The following UBR3 variants were observed in gnomAD, a reference collection of about 807,000 sequenced individuals.
UBR3 encodes the protein ubiquitin protein ligase E3 component n-recognin 3.
Under a neutral mutation model 243.2 loss-of-function variants are expected in UBR3, and 85 were observed. The ratio of observed to expected loss-of-function variants is 0.35; its 90% CI spans 0.29 to 0.42. UBR3 has a LOEUF of 0.42. UBR3 is among the 10% of genes least tolerant of loss of function. The pLI, the probability that UBR3 is intolerant of heterozygous loss-of-function variation, is 1.00. For missense variants in UBR3, 1,686 were observed against 2,300.8 expected, an observed-to-expected ratio of 0.73 and a Z score of 5.47; for synonymous variants, 748 against 799.8, an observed-to-expected ratio of 0.94 and a Z score of 1.09.
chr2:169,935,400 CTCAAG>C (rs2105352022), intron 19 of UBR3, among the ~76,000 whole-genome samples: 1 of 152,242 alleles, frequency 6.6e-6, no homozygotes, highest in East Asian at 1.9e-4. Context: ...AACTCTTAGT[CTCAAG>C]TGATCTTCCT....
intron 14 of UBR3, among the ~76,000 whole-genome samples, chr2:169,926,129 G>A (rs887979979): frequency 2.6e-5 from 4 of 152,178 alleles, no homozygotes; most frequent in African/African-American, 9.7e-5. Flanking sequence ...GGAAATACTG[G>A]GTTGATGTGT....
At chr2:169,937,726 G>A (rs1353101629) in intron 19 of UBR3, among the ~76,000 whole-genome samples, 1 of 152,188 alleles carries the variant, frequency 6.6e-6, no homozygotes, top group Non-Finnish European at 1.5e-5. Context: ...TTCCCCAGAT[G>A]TCTGACAATG....
intron 24 of UBR3, among the ~76,000 whole-genome samples, chr2:169,977,781 T>C (rs1410601860): frequency 6.6e-6 from 1 of 152,168 alleles, no homozygotes; most frequent in Admixed American, 6.5e-5. Flanking sequence ...GAAACAATGT[T>C]CCACCAGCCA....
At chr2:169,921,203 G>A (rs2085683646) in intron 11 of UBR3, among the ~76,000 whole-genome samples, 1 of 152,152 alleles carries the variant, frequency 6.6e-6, no homozygotes, top group African/African-American at 2.4e-5. Flanking sequence ...AGTTTGGTTT[G>A]GACACGCTGT....
In UBR3 at chr2:169,872,267, T is replaced by G. The variant is rs2083461311; in HGVS notation, c.577T>G (p.Ser193Ala). The change falls in exon 2 of 39, where the codon TCA becomes GCA. Residue 193 changes from serine to alanine, a missense_variant. Ser to Ala is a moderately conservative substitution (Grantham distance 99). Coordinates refer to ENST00000272793, the MANE Select transcript of UBR3 (RefSeq NM_172070.4). ...CAAAAGGCATCAAATTAAATCAAGT[T>G]CAAATATTCCCTGTGTCCCTAAAGA... The part of the protein sequence containing the change: ...FCKRHQIKSS[S>A]NIPCVPKDLL... 5.2e-6 allele frequency: 8 copies of G among 1,531,350 alleles called. No homozygotes were observed. Among genetic ancestry groups the G allele is most frequent in the Non-Finnish European group, 7.0e-6 (8 of 1,139,086 alleles). The allele number at this position is 1,531,350 out of a possible 1,614,324, so 94.9% of individuals were successfully genotyped here.
intron 24 of UBR3, among the ~76,000 whole-genome samples, chr2:169,960,406 T>C (rs1023077880): frequency 4.0e-5 from 6 of 151,586 alleles, no homozygotes; most frequent in African/African-American, 1.5e-4. Flanking sequence ...TCTGAAACAC[T>C]AATGGTCCCA....
chr2:169,848,708 A>G (rs1005122155), intron 1 of UBR3, among the ~76,000 whole-genome samples: 20 of 144,554 alleles, frequency 1.4e-4, no homozygotes, highest in Non-Finnish European at 2.9e-4. Flanking sequence ...AAGTTTTTTA[A>G]TTTTTTTTTT....
chr2:169,986,151 T>C (rs551546716), intron 24 of UBR3, among the ~76,000 whole-genome samples: 1 of 152,326 alleles, frequency 6.6e-6, no homozygotes, highest in African/African-American at 2.4e-5. Context: ...TATTGATAGC[T>C]ACTATTTCTG....
At chr2:169,994,629 G>A (rs2089415540) in intron 26 of UBR3, among the ~76,000 whole-genome samples, 173 bp downstream of exon 26, 1 of 152,140 alleles carries the variant, frequency 6.6e-6, no homozygotes, top group African/African-American at 2.4e-5. Context: ...AAACATTTCA[G>A]GTAATAAATG....
intron 10 of UBR3, among the ~76,000 whole-genome samples, chr2:169,910,699 A>C (rs2085219079): frequency 6.6e-6 from 1 of 152,150 alleles, no homozygotes; most frequent in Admixed American, 6.6e-5. Context: ...TGTTCTAGGC[A>C]CTTTTCATAT....
chr2:169,958,662 G>A (rs960161941), intron 24 of UBR3, 136 bp downstream of exon 24: 1 of 673,118 alleles, frequency 1.5e-6, no homozygotes, highest in African/African-American at 1.8e-5. Flanking sequence ...AAACAATATA[G>A]TGATGGAAGA....
chr2:169,881,891 ATG>A (rs2105317196), intron 5 of UBR3, among the ~76,000 whole-genome samples: 1 of 118,642 alleles, frequency 8.4e-6, no homozygotes, highest in African/African-American at 2.9e-5. Flanking sequence ...ATATGTGTAC[ATG>A]TATACATATA....
At chr2:169,845,011 C>T (rs927111449) in intron 1 of UBR3, among the ~76,000 whole-genome samples, 5 of 152,006 alleles carry the variant, frequency 3.3e-5, no homozygotes, top group African/African-American at 1.2e-4. Context: ...AATAAATTTC[C>T]CTCTAAGCAC....
At chr2:169,934,277 C>G (rs2086243225) in intron 19 of UBR3, among the ~76,000 whole-genome samples, 1 of 152,106 alleles carries the variant, frequency 6.6e-6, no homozygotes, top group Admixed American at 6.6e-5. Context: ...TTAAATGGCT[C>G]TGCCTTTTTT....
intron 24 of UBR3, among the ~76,000 whole-genome samples, chr2:169,963,976 T>A (rs1289099646): frequency 6.6e-6 from 1 of 152,172 alleles, no homozygotes; most frequent in African/African-American, 2.4e-5. Flanking sequence ...CATGCATGCC[T>A]TAGGATTGAG....
Position 169,946,372 on chromosome 2 carries a change from G to A in UBR3, c.2890G>A (p.Glu964Lys). 6.7e-7 allele frequency: 1 copy of A among 1,499,910 alleles called. No homozygotes were observed. The highest frequency in any genetic ancestry group is 8.9e-7 in the Non-Finnish European group (1 of 1,118,632). 92.9% of individuals were successfully genotyped at this position (1,499,910 alleles called of 1,614,324 possible). A position where few individuals can be genotyped will look rare whatever the true frequency, so the allele number is the denominator to read the frequency against. ...LIELGLENSA[E>K]EESDEEASVG... ...TGAATTAGGACTTGAAAATTCTGCT[G>A]AAGAAGAATCAGATGAAGAGGTAAG... is the stretch of plus-strand genomic sequence containing the variant. Residue 964 changes from glutamate to lysine, a missense_variant, in exon 21 of 39, where the codon GAA becomes AAA. This residue lies in a region of UBR3 where 300 missense variants were observed against 314.4 expected (regional missense o/e 0.95). Coordinates refer to ENST00000272793, the MANE Select transcript of UBR3 (RefSeq NM_172070.4).
chr2:169,873,853 T>G (rs1312953471), intron 2 of UBR3, among the ~76,000 whole-genome samples: 1 of 152,198 alleles, frequency 6.6e-6, no homozygotes, highest in Non-Finnish European at 1.5e-5. Flanking sequence ...TTTTGGGAAT[T>G]TATGTTTTGT....
chr2:170,015,202 G>T, intron 29 of UBR3, 79 bp from the exon 30 acceptor site: 1 of 1,209,534 alleles, frequency 8.3e-7, no homozygotes, highest in Non-Finnish European at 1.2e-6. Context: ...TATTTTTTAG[G>T]TTGATTCAGA....
chr2:169,857,070 T>TTTTTTTTTG (rs2082907074), intron 1 of UBR3, among the ~76,000 whole-genome samples: 1 of 89,222 alleles, frequency 1.1e-5, no homozygotes, highest in Non-Finnish European at 2.2e-5. Context: ...TTATGTTTTT[T>TTTTTTTTTG]TTTTTTTTTT....
Sources: gnomAD v4.1 joint callset for allele counts (sites outside exome capture counted in the v4.1 genomes callset) on GRCh38, gnomAD v4.1.1 for gene constraint, gnomAD v4.1.1 regional missense constraint, MANE v1.5 for transcripts, NCBI Gene and HGNC (gene_info 2026-07-23, HGNC 2026-07-21) for gene names.